The following ELMO1 variants were observed in gnomAD, a reference collection of about 807,000 sequenced individuals.
ELMO1 encodes the protein engulfment and cell motility 1, also known as engulfment and cell motility protein 1.
In ELMO1, 26 loss-of-function variants were observed where a neutral mutation model predicts 98.9. That is an observed-to-expected ratio of 0.26 (90% CI 0.19 to 0.36). The LOEUF is 0.36. ELMO1 is among the 10% of genes least tolerant of loss of function. The pLI is 1.00. For synonymous variants in ELMO1, 346 were observed against 346.0 expected (o/e 1.00, Z 0.00); for missense variants, 627 against 935.2 (o/e 0.67, Z 4.30).
chr7:37,057,715 A>C (rs1005901744), intron 15 of ELMO1, among the ~76,000 whole-genome samples: 3 of 152,228 alleles, frequency 2.0e-5, no homozygotes, highest in Non-Finnish European at 4.4e-5. Context: ...GCACATGCCC[A>C]CCATGAATTG....
intron 15 of ELMO1, among the ~76,000 whole-genome samples, chr7:37,089,269 T>G (rs575257131): frequency 1.3e-5 from 2 of 152,298 alleles, no homozygotes; most frequent in South Asian, 4.1e-4. Context: ...ACTGGTGTAT[T>G]ATAATAAATA....
chr7:37,362,472 C>A (rs1223597103), intron 1 of ELMO1, among the ~76,000 whole-genome samples: 1 of 152,178 alleles, frequency 6.6e-6, no homozygotes. Flanking sequence ...TTAGCCTAGA[C>A]TAACTAATAC....
chr7:37,023,159 A>G (rs1295186395), intron 15 of ELMO1, among the ~76,000 whole-genome samples: 1 of 152,196 alleles, frequency 6.6e-6, no homozygotes, highest in Non-Finnish European at 1.5e-5. Context: ...GGGTTGTTTA[A>G]TATCTTTTCT....
intron 1 of ELMO1, among the ~76,000 whole-genome samples, chr7:37,408,083 T>A (rs965048364): frequency 6.6e-6 from 1 of 152,224 alleles, no homozygotes; most frequent in Admixed American, 6.5e-5. Flanking sequence ...AATAAACATA[T>A]ACAGTAGCAT....
intron 16 of ELMO1, among the ~76,000 whole-genome samples, chr7:37,000,321 T>C (rs1792561048): frequency 1.3e-5 from 2 of 152,322 alleles, no homozygotes; most frequent in Middle Eastern, 3.4e-3. Flanking sequence ...TATATGCCAA[T>C]GACATTTACT....
At chr7:37,434,271 G>T (rs1805052281) in intron 1 of ELMO1, among the ~76,000 whole-genome samples, 1 of 152,054 alleles carries the variant, frequency 6.6e-6, no homozygotes, top group Non-Finnish European at 1.5e-5. Context: ...TGAAAGAAAA[G>T]AAAAGTGAAG....
intron 13 of ELMO1, among the ~76,000 whole-genome samples, chr7:37,154,662 T>C (rs982998791): frequency 6.6e-6 from 1 of 152,184 alleles, no homozygotes; most frequent in African/African-American, 2.4e-5. Flanking sequence ...TACGGGACTA[T>C]GTGAAAGACC....
chr7:37,275,771 A>T (rs1796798727), intron 4 of ELMO1, among the ~76,000 whole-genome samples: 1 of 152,224 alleles, frequency 6.6e-6, no homozygotes, highest in South Asian at 2.1e-4. Flanking sequence ...AGATATGTAG[A>T]ACTACTAAAA....
At chr7:36,901,536 G>A (rs1032579413) in intron 16 of ELMO1, among the ~76,000 whole-genome samples, 3 of 152,182 alleles carry the variant, frequency 2.0e-5, no homozygotes, top group Non-Finnish European at 4.4e-5. Flanking sequence ...CACAGGTGGT[G>A]GGCTGGATTT....
chr7:37,057,885 T>G (rs1223453263), intron 15 of ELMO1, among the ~76,000 whole-genome samples: 1 of 152,268 alleles, frequency 6.6e-6, no homozygotes, highest in Non-Finnish European at 1.5e-5. Flanking sequence ...GCCATAATAT[T>G]ACCAACTTCC....
At chr7:37,180,061 G>T (rs35844558) in intron 13 of ELMO1, among the ~76,000 whole-genome samples, 35,544 of 151,768 alleles carry the variant, frequency 0.23, 5,654 homozygotes, top group African/African-American at 0.46. Flanking sequence ...ATGAAAGAAT[G>T]ATTTTTAACC....
chr7:37,104,340 T>G (rs1225088637), intron 14 of ELMO1, among the ~76,000 whole-genome samples: 1 of 151,886 alleles, frequency 6.6e-6, no homozygotes, highest in Non-Finnish European at 1.5e-5. Flanking sequence ...GTTCTAACTT[T>G]AATGTGTGTC....
At chr7:37,233,072 T>G (rs758381764) in intron 8 of ELMO1, 23 bp downstream of exon 8, 5 of 1,595,040 alleles carry the variant, frequency 3.1e-6, no homozygotes, top group Non-Finnish European at 1.7e-6. Context: ...AAGGAAAGCC[T>G]AAAGAGGCAG....
intron 13 of ELMO1, among the ~76,000 whole-genome samples, chr7:37,188,487 TAAAAAA>T (rs869157346): frequency 5.3e-4 from 17 of 32,026 alleles, no homozygotes; most frequent in South Asian, 5.0e-3. Flanking sequence ...TGGAGAAAGG[TAAAAAA>T]AAAAAAAAAA....
In ELMO1 at chr7:36,895,146, A is replaced by C. The variant is rs917486982; in HGVS notation, c.1438-129T>G. 135 of 1,026,402 alleles carry C rather than the reference A, an allele frequency of 1.3e-4. 1 individual carries two copies. Among genetic ancestry groups the C allele is most frequent in the South Asian group, 1.2e-3 (69 of 56,446 alleles). 63.6% of individuals were successfully genotyped at this position (1,026,402 alleles called of 1,614,324 possible). A position where few individuals can be genotyped will look rare whatever the true frequency, so the allele number is the denominator to read the frequency against. ...CGCATGCTCAGCATTAACCTTGAGCATGCTTTTCCAAAACAGTCAACTTCC... is the reference window on the plus strand; with the variant it reads ...CGCATGCTCAGCATTAACCTTGAGCCTGCTTTTCCAAAACAGTCAACTTCC... On this transcript the variant is annotated intron_variant, in intron 16 of 21. Coordinates refer to ENST00000310758, the MANE Select transcript of ELMO1 (RefSeq NM_014800.11).
intron 10 of ELMO1, among the ~76,000 whole-genome samples, chr7:37,221,859 A>G (rs35419442): frequency 0.29 from 43,924 of 151,906 alleles, 7,181 homozygotes; most frequent in African/African-American, 0.44. Context: ...TATCATGCCC[A>G]GCTAATTTTT....
At chr7:37,314,234 G>A (rs944254234) in intron 4 of ELMO1, among the ~76,000 whole-genome samples, 4 of 152,136 alleles carry the variant, frequency 2.6e-5, no homozygotes, top group Non-Finnish European at 5.9e-5. Context: ...AATGTGCATG[G>A]CTCAGTTCCT....
chr7:37,222,532 C>T lies in ELMO1; in HGVS notation c.780+83G>A, dbSNP rs182091553. On this transcript the variant is annotated intron_variant, in intron 10 of 21. Coordinates refer to ENST00000310758, the MANE Select transcript of ELMO1 (RefSeq NM_014800.11). ...AGGATAGCAGAGAGGCCCAATGAGT[C>T]CCCGAATAGAAGGAGAGGGCGTTCT... is the stretch of plus-strand genomic sequence containing the variant. 4.2e-5 allele frequency: 56 copies of T among 1,335,008 alleles called. No individual in the cohort carries two copies. The African/African-American group carries it at 5.8e-4, about 14-fold the overall frequency. 82.7% of individuals were successfully genotyped at this position (1,335,008 alleles called of 1,614,324 possible). A position where few individuals can be genotyped will look rare whatever the true frequency, so the allele number is the denominator to read the frequency against.
At chr7:36,901,928 G>A (rs542460890) in intron 16 of ELMO1, among the ~76,000 whole-genome samples, 36 of 152,248 alleles carry the variant, frequency 2.4e-4, no homozygotes, top group Admixed American at 2.0e-3. Flanking sequence ...AATCGGTTCC[G>A]ACAGATTAAA....
Sources: allele counts gnomAD v4.1 joint callset (sites outside exome capture counted in the v4.1 genomes callset), GRCh38; gene constraint gnomAD v4.1.1; transcripts MANE v1.5; gene names NCBI Gene and HGNC (gene_info 2026-07-23, HGNC 2026-07-21).